PCDH15: variants seen among roughly 807,000 people sequenced by gnomAD.
PCDH15 encodes the protein protocadherin-15.
PCDH15 carries 129 observed loss-of-function variants against 178.5 expected under a neutral mutation model. The observed-to-expected ratio is 0.72, with a 90% CI of 0.63 to 0.84. The LOEUF is 0.84. Among genes scored for constraint, PCDH15 ranks in the 40% least tolerant of loss-of-function variants. The pLI is 0.00. For missense variants in PCDH15, 2,230 were observed against 2,099.9 expected, an observed-to-expected ratio of 1.06 and a Z score of -1.21; for synonymous variants, 800 against 732.0, an observed-to-expected ratio of 1.09 and a Z score of -1.50.
intron 2 of PCDH15, among the ~76,000 whole-genome samples, chr10:55,351,597 C>G (rs1019423629): frequency 1.3e-5 from 2 of 152,110 alleles, no homozygotes; most frequent in Non-Finnish European, 2.9e-5. Context: ...CAAGCCACTT[C>G]AAGTCTCTTT....
intron 1 of PCDH15, among the ~76,000 whole-genome samples, chr10:54,751,423 C>T (rs1310954113): frequency 1.3e-5 from 2 of 152,094 alleles, no homozygotes; most frequent in South Asian, 4.2e-4. Flanking sequence ...TATGCACAAA[C>T]AGATGGCACC....
intron 2 of PCDH15, among the ~76,000 whole-genome samples, chr10:55,358,892 T>C (rs1472276593): frequency 6.6e-6 from 1 of 152,136 alleles, no homozygotes; most frequent in African/African-American, 2.4e-5. Flanking sequence ...AACATATAAT[T>C]ATTTAAAATA....
At chr10:55,121,361 G>C (rs925828632) in intron 2 of PCDH15, among the ~76,000 whole-genome samples, 7 of 150,742 alleles carry the variant, frequency 4.6e-5, no homozygotes, top group African/African-American at 1.7e-4. Context: ...TCAGAGCTGG[G>C]GGGGGGCAAT....
At chr10:54,700,204 C>T (rs2095290735) in intron 1 of PCDH15, among the ~76,000 whole-genome samples, 1 of 151,988 alleles carries the variant, frequency 6.6e-6, no homozygotes, top group African/African-American at 2.4e-5. Flanking sequence ...AAGATAAAAG[C>T]AAATACCTTA....
chr10:54,845,640 C>T (rs1953496445), intron 3 of PCDH15, among the ~76,000 whole-genome samples: 1 of 151,968 alleles, frequency 6.6e-6, no homozygotes, highest in Non-Finnish European at 1.5e-5. Context: ...TTTTCTGATG[C>T]TTCCCAGGAT....
intron 2 of PCDH15, among the ~76,000 whole-genome samples, chr10:54,927,998 T>C (rs1455988627): frequency 6.6e-6 from 1 of 152,144 alleles, no homozygotes; most frequent in Non-Finnish European, 1.5e-5. Context: ...CTGGATATTA[T>C]GTAGACTTGT....
intron 1 of PCDH15, among the ~76,000 whole-genome samples, chr10:55,274,162 C>A (rs749979508): frequency 1.1e-4 from 16 of 152,204 alleles, no homozygotes; most frequent in Middle Eastern, 6.8e-3. Context: ...ATGACAGATG[C>A]TGAAATCTCA....
chr10:54,506,959 C>T (rs10763112), intron 3 of PCDH15, among the ~76,000 whole-genome samples: 105,736 of 151,698 alleles, frequency 0.7, 37,397 homozygotes, highest in East Asian at 0.97. Context: ...TCAACTGATT[C>T]AAAAAAATAA....
intron 2 of PCDH15, among the ~76,000 whole-genome samples, chr10:54,624,573 G>A (rs2093484702): frequency 6.6e-6 from 1 of 152,216 alleles, no homozygotes; most frequent in Non-Finnish European, 1.5e-5. Flanking sequence ...TGCTAAAGTA[G>A]GGGTTCCCAA....
chr10:55,591,790 C>CA (rs879453031), intron 2 of PCDH15, among the ~76,000 whole-genome samples: 14 of 151,742 alleles, frequency 9.2e-5, no homozygotes, highest in Non-Finnish European at 1.8e-4. Flanking sequence ...TAATACATAA[C>CA]AAAAAAATTT....
At chr10:54,307,100 GTGTGTA>G (rs1285966169) in intron 8 of PCDH15, among the ~76,000 whole-genome samples, 446 of 15,524 alleles carry the variant, frequency 0.029, 71 homozygotes, top group South Asian at 0.046. Context: ...ATATGTGTGT[GTGTGTA>G]TATATATATA....
At chr10:54,772,494 T>C (rs1018427670) in intron 1 of PCDH15, among the ~76,000 whole-genome samples, 3 of 152,048 alleles carry the variant, frequency 2.0e-5, no homozygotes, top group Non-Finnish European at 4.4e-5. Context: ...CATACATGCG[T>C]CCAACAAACA....
chr10:55,165,694 A>G (rs900982390), intron 2 of PCDH15, among the ~76,000 whole-genome samples: 5 of 152,044 alleles, frequency 3.3e-5, no homozygotes, highest in Non-Finnish European at 7.4e-5. Context: ...GGAGCAAGAG[A>G]TAAATTAAGC....
At chr10:54,795,913 T>G (rs1439541917) in intron 1 of PCDH15, among the ~76,000 whole-genome samples, 1 of 151,896 alleles carries the variant, frequency 6.6e-6, no homozygotes, top group Non-Finnish European at 1.5e-5. Context: ...CTCCATTTAC[T>G]GAAATATACC....
chr10:54,295,233 T>C (rs111888293), intron 8 of PCDH15, among the ~76,000 whole-genome samples: 1 of 152,278 alleles, frequency 6.6e-6, no homozygotes, highest in African/African-American at 2.4e-5. Context: ...CAGCACTCTG[T>C]AAAATCACAC....
chr10:54,731,547 T>TAGAG (rs1566067223), intron 1 of PCDH15, among the ~76,000 whole-genome samples: 1 of 28,942 alleles, frequency 3.5e-5, no homozygotes, highest in African/African-American at 1.0e-4. Flanking sequence ...GTGAGATAGA[T>TAGAG]ATATATATAT....
At chr10:53,869,879 T>C (rs1387943693) in intron 26 of PCDH15, among the ~76,000 whole-genome samples, 3 of 152,226 alleles carry the variant, frequency 2.0e-5, no homozygotes, top group Non-Finnish European at 2.9e-5. Context: ...CTAACATTGT[T>C]GATTAGTTAT....
chr10:53,940,127 T>G (rs546448326), intron 24 of PCDH15, among the ~76,000 whole-genome samples: 2 of 152,250 alleles, frequency 1.3e-5, no homozygotes, highest in East Asian at 3.9e-4. Context: ...TATTTACTAT[T>G]GATTAACTTA....
intron 28 of PCDH15, among the ~76,000 whole-genome samples, chr10:53,847,070 C>CT (rs2078023875): frequency 6.6e-6 from 1 of 151,958 alleles, no homozygotes; most frequent in Non-Finnish European, 1.5e-5. Flanking sequence ...AATTACTTAA[C>CT]TTTTCAAAGT....
Sources: gnomAD v4.1 joint callset for allele counts (sites outside exome capture counted in the v4.1 genomes callset) on GRCh38, gnomAD v4.1.1 for gene constraint, MANE v1.5 for transcripts, NCBI Gene and HGNC (gene_info 2026-07-23, HGNC 2026-07-21) for gene names.